The following CAMTA1 variants were observed in gnomAD, a reference collection of about 807,000 sequenced individuals.
CAMTA1 encodes the protein calmodulin-binding transcription activator 1.
CAMTA1 carries 27 observed loss-of-function variants against 170.9 expected under a neutral mutation model. That is an observed-to-expected ratio of 0.16 (90% confidence interval 0.12 to 0.22). CAMTA1 has a LOEUF of 0.22. CAMTA1 is among the 10% of genes least tolerant of loss of function. CAMTA1 has a pLI of 1.00. For synonymous variants in CAMTA1, 833 were observed against 891.5 expected (o/e 0.93, Z 1.17); for missense variants, 1,619 against 2,217.2 (o/e 0.73, Z 5.42).
At chr1:7,149,673 G>A (rs1646453358) in intron 4 of CAMTA1, among the ~76,000 whole-genome samples, 1 of 152,170 alleles carries the variant, frequency 6.6e-6, no homozygotes, top group South Asian at 2.1e-4. Flanking sequence ...ACGAGCCACT[G>A]GGTGCTCAGC....
intron 5 of CAMTA1, among the ~76,000 whole-genome samples, chr1:7,434,821 G>A (rs1218500054): frequency 3.3e-5 from 5 of 149,530 alleles, no homozygotes; most frequent in African/African-American, 7.5e-5. Flanking sequence ...CAGGCTGATC[G>A]CTTAAGCTCA....
In CAMTA1 at chr1:7,713,331, C is replaced by T. The variant is rs192124770; in HGVS notation, c.2915-19117C>T. Among the ~76,000 whole-genome samples, 186 of 152,240 alleles carry T rather than the reference C, an allele frequency of 1.2e-3. 1 individual carries two copies. The highest frequency in any genetic ancestry group is 2.2e-3 in the Non-Finnish European group (147 of 68,018). ...AGGAAGAGTATGGACCAAGACTTTC[C>T]TAACTCGGAGACTGTCTATATCAAA... is the stretch of plus-strand genomic sequence containing the variant. On this transcript the variant is annotated intron_variant, in intron 11 of 22. Coordinates refer to ENST00000303635, the MANE Select transcript of CAMTA1 (RefSeq NM_015215.4).
rs750362959 is a variant in CAMTA1 at position 7,736,922 on chromosome 1, C to G, written c.3264-9C>G. The G allele has an allele frequency of 2.5e-5, 40 of 1,608,636 alleles. No homozygotes were observed. The highest frequency in any genetic ancestry group is 3.3e-5 in the Non-Finnish European group (39 of 1,176,506). Reference sequence around the variant, plus strand: ...ATAGTGTGGTAATTTCTGGTGCTCTCCCTTATAGTACAAAGCACGCGGATA... The same window carrying G: ...ATAGTGTGGTAATTTCTGGTGCTCTGCCTTATAGTACAAAGCACGCGGATA... On this transcript the variant is annotated splice_polypyrimidine_tract_variant and intron_variant, in intron 13 of 22. Coordinates refer to ENST00000303635, the MANE Select transcript of CAMTA1 (RefSeq NM_015215.4). The surrounding 1 kb of genome is among the most constrained non-coding windows in gnomAD (Gnocchi z 4.5).
intron 4 of CAMTA1, among the ~76,000 whole-genome samples, chr1:7,096,057 A>G (rs1642038747): frequency 6.6e-6 from 1 of 152,236 alleles, no homozygotes; most frequent in African/African-American, 2.4e-5. Flanking sequence ...TTAGATTGAT[A>G]TAGATAGCAC....
At chr1:7,480,578 C>T (rs966706991) in intron 6 of CAMTA1, among the ~76,000 whole-genome samples, 8 of 152,178 alleles carry the variant, frequency 5.3e-5, no homozygotes, top group African/African-American at 1.4e-4. Flanking sequence ...ACTGTGCCAT[C>T]GTCATGTTTC....
At chr1:6,924,705 G>A (rs1461213200) in intron 3 of CAMTA1, among the ~76,000 whole-genome samples, 1 of 152,208 alleles carries the variant, frequency 6.6e-6, no homozygotes, top group African/African-American at 2.4e-5. Context: ...TCTTTTCCGA[G>A]GCTATTTATA....
intron 1 of CAMTA1, among the ~76,000 whole-genome samples, chr1:6,789,121 CATT>C (rs1220269415): frequency 6.6e-6 from 1 of 152,298 alleles, no homozygotes; most frequent in Non-Finnish European, 1.5e-5. Context: ...TCCATCTCAT[CATT>C]GAGTGGATTC....
chr1:6,803,097 T>C (rs1197434815), intron 1 of CAMTA1, among the ~76,000 whole-genome samples: 1 of 152,306 alleles, frequency 6.6e-6, no homozygotes, highest in East Asian at 1.9e-4. Context: ...CTTGGAATGC[T>C]ATGGTCTGTG....
At chr1:6,818,367 TAAATAACTC>T (rs964243685) in intron 1 of CAMTA1, among the ~76,000 whole-genome samples, 2 of 151,962 alleles carry the variant, frequency 1.3e-5, no homozygotes, top group African/African-American at 4.8e-5. Context: ...TAACAACAAA[TAAATAACTC>T]AGGCAATCCT....
intron 5 of CAMTA1, among the ~76,000 whole-genome samples, chr1:7,295,869 T>C (rs995100763): frequency 1.2e-4 from 19 of 152,196 alleles, no homozygotes; most frequent in African/African-American, 4.6e-4. Flanking sequence ...TTTAAAACAA[T>C]GCATATTTAT....
intron 4 of CAMTA1, among the ~76,000 whole-genome samples, chr1:7,136,051 T>G (rs558825218): frequency 2.6e-5 from 4 of 152,162 alleles, no homozygotes; most frequent in Non-Finnish European, 5.9e-5. Flanking sequence ...CAGGTACCTG[T>G]GCTAACTGGT....
chr1:7,407,579 G>C (rs1198106510), intron 5 of CAMTA1, among the ~76,000 whole-genome samples: 1 of 152,198 alleles, frequency 6.6e-6, no homozygotes, highest in Non-Finnish European at 1.5e-5. Flanking sequence ...AAATGCAAAG[G>C]ACATGGGTGG....
At chr1:6,811,250 C>T (rs951420071) in intron 1 of CAMTA1, among the ~76,000 whole-genome samples, 1 of 152,152 alleles carries the variant, frequency 6.6e-6, no homozygotes, top group Non-Finnish European at 1.5e-5. Flanking sequence ...TTATAGACTA[C>T]AAAGTAATAT....
intron 9 of CAMTA1, among the ~76,000 whole-genome samples, chr1:7,668,453 G>A (rs1158024674): frequency 1.4e-5 from 2 of 143,692 alleles, no homozygotes; most frequent in Non-Finnish European, 3.1e-5. Context: ...CCCCAGAGGC[G>A]TCCCCCTATG....
At chr1:6,958,906 A>G (rs1689922835) in intron 3 of CAMTA1, among the ~76,000 whole-genome samples, 1 of 152,222 alleles carries the variant, frequency 6.6e-6, no homozygotes, top group African/African-American at 2.4e-5. Flanking sequence ...TGCTCGTGGC[A>G]GGCTTCGCAC....
chr1:6,993,427 T>C (rs78892388), intron 3 of CAMTA1, among the ~76,000 whole-genome samples: 16,916 of 152,234 alleles, frequency 0.11, 1,173 homozygotes, highest in East Asian at 0.2. Flanking sequence ...TTTTCCTGAA[T>C]TTATTCCTAG....
chr1:7,638,344 GA>G (rs1231635256), intron 6 of CAMTA1, among the ~76,000 whole-genome samples: 1 of 152,062 alleles, frequency 6.6e-6, no homozygotes, highest in Non-Finnish European at 1.5e-5. Context: ...GAGAATGCAA[GA>G]AAAAAATGGT....
At chr1:6,963,030 C>T (rs1377388165) in intron 3 of CAMTA1, among the ~76,000 whole-genome samples, 1 of 148,950 alleles carries the variant, frequency 6.7e-6, no homozygotes, top group African/African-American at 2.5e-5. Flanking sequence ...TGTGGCAGAC[C>T]CCATTCTCCA....
At chr1:6,957,426 T>A (rs1689642993) in intron 3 of CAMTA1, among the ~76,000 whole-genome samples, 1 of 152,170 alleles carries the variant, frequency 6.6e-6, no homozygotes, top group African/African-American at 2.4e-5. Flanking sequence ...TGGGTCTCGG[T>A]GTTTTAAAAT....
Sources: allele counts gnomAD v4.1 joint callset (sites outside exome capture counted in the v4.1 genomes callset), GRCh38; gene constraint gnomAD v4.1.1; non-coding constraint Gnocchi (gnomAD v3.1); transcripts MANE v1.5; gene names NCBI Gene and HGNC (gene_info 2026-07-23, HGNC 2026-07-21).